Variants in TGS1 observed in about 807,000 individuals in gnomAD.
TGS1 encodes the protein trimethylguanosine synthase 1.
In TGS1, 69 loss-of-function variants were observed where a neutral mutation model predicts 92.2. The ratio of observed to expected loss-of-function variants is 0.75; its 90% confidence interval spans 0.62 to 0.91. The LOEUF (loss-of-function observed/expected upper bound fraction) is 0.91. Ranked by LOEUF, TGS1 falls within the 40% of genes least tolerant of loss-of-function variation. TGS1 has a pLI of 0.00. For missense variants in TGS1, 1,062 were observed against 1,001.2 expected (o/e 1.06, Z -0.82); for synonymous variants, 345 against 338.1 (o/e 1.02, Z -0.22).
At chr8:55,797,799 ATGTCTC>A (rs1262990602) in intron 7 of TGS1, among the ~76,000 whole-genome samples, 1 of 152,096 alleles carries the variant, frequency 6.6e-6, no homozygotes, top group Non-Finnish European at 1.5e-5. Context: ...AGACTCCATG[ATGTCTC>A]TGTCTCTGTT....
At chr8:55,804,757 TG>T (rs1812316166) in intron 9 of TGS1, 135 bp from the exon 10 acceptor site, 1 of 710,116 alleles carries the variant, frequency 1.4e-6, no homozygotes, top group Admixed American at 3.3e-5. Context: ...TCTTTAAAAC[TG>T]GGTGATTTAT....
intron 1 of TGS1, among the ~76,000 whole-genome samples, chr8:55,775,420 A>G (rs554778100): frequency 6.6e-6 from 1 of 152,278 alleles, no homozygotes; most frequent in East Asian, 1.9e-4. Context: ...GGCAGTGTGG[A>G]GGATTGTTTG....
At chr8:55,793,063 G>C (rs1455872488) in intron 6 of TGS1, among the ~76,000 whole-genome samples, 3 of 152,168 alleles carry the variant, frequency 2.0e-5, no homozygotes, top group African/African-American at 7.2e-5. Flanking sequence ...AGGGAATTTA[G>C]GCCCAGCTCT....
intron 5 of TGS1, among the ~76,000 whole-genome samples, chr8:55,791,064 A>G (rs907783446): frequency 6.6e-6 from 1 of 152,210 alleles, no homozygotes; most frequent in Non-Finnish European, 1.5e-5. Context: ...CCTCAAGGTC[A>G]TGCTCTCATT....
intron 8 of TGS1, among the ~76,000 whole-genome samples, chr8:55,799,479 A>G (rs375291389): frequency 2.2e-4 from 34 of 152,304 alleles, no homozygotes; most frequent in African/African-American, 7.9e-4. Context: ...TCTGCAGACC[A>G]CTGTCTGCAG....
rs1811720743 is a variant in TGS1, at chr8:55,786,612, G to A, written c.714G>A (p.Glu238=). 6.2e-7 allele frequency: 1 copy of A among 1,614,152 alleles called. No individual in the cohort carries two copies. The highest frequency in any genetic ancestry group is 8.5e-7 in the Non-Finnish European group (1 of 1,180,012). Residue 238 remains glutamate (E), a synonymous_variant, in exon 4 of 13, where the codon GAG becomes GAA. Transcript: ENST00000260129. The stretch of plus-strand genomic sequence containing the variant: ...TTCCTGATACAAAGGAAGAATGGGA[G>A]CAACATTATAGTCAACTTTATTGGT... ...WNFPDTKEEW[E]QHYSQLYWYY...
intron 1 of TGS1, among the ~76,000 whole-genome samples, chr8:55,778,096 AC>A (rs1811451439): frequency 6.6e-6 from 1 of 151,948 alleles, no homozygotes; most frequent in South Asian, 2.1e-4. Context: ...ACATGGCGAA[AC>A]CCCATCTCTA....
chr8:55,782,556 T>C (rs1774874812), intron 1 of TGS1, among the ~76,000 whole-genome samples, 192 bp from the exon 2 acceptor site: 1 of 152,238 alleles, frequency 6.6e-6, no homozygotes, highest in African/African-American at 2.4e-5. Context: ...TTACATATAC[T>C]ATCAGTCCTT....
At chr8:55,811,767 T>C (rs1803347303) in intron 11 of TGS1, among the ~76,000 whole-genome samples, 1 of 151,730 alleles carries the variant, frequency 6.6e-6, no homozygotes, top group Non-Finnish European at 1.5e-5. Flanking sequence ...TTTCAAAAAA[T>C]AGGGAGAGAG....
intron 1 of TGS1, among the ~76,000 whole-genome samples, chr8:55,779,199 A>G (rs995936086): frequency 2.0e-5 from 3 of 152,214 alleles, no homozygotes; most frequent in African/African-American, 7.2e-5. Flanking sequence ...TAGCAAGTAT[A>G]ATGGAAATTC....
chr8:55,790,182 A>G lies in TGS1; in HGVS notation c.1163A>G (p.Asp388Gly). The G allele has an allele frequency of 6.2e-7, 1 of 1,611,830 alleles. No homozygotes were observed. Among genetic ancestry groups the G allele is most frequent in the Non-Finnish European group, 8.5e-7 (1 of 1,178,298 alleles). The change falls in exon 5 of 13, where the codon GAT (aspartate) becomes GGT (glycine). Residue 388 changes from aspartate to glycine, a missense_variant and splice_region_variant. Transcript: ENST00000260129. The part of the protein sequence containing the change: ...GNTNTDPPAE[D>G]SQKSSGANTS... Reference sequence around the variant, plus strand: ...TACTGCAATATTTCTGCCTCTTTAGATTCACAGAAGTCTTCAGGAGCAAAC... The same window carrying G: ...TACTGCAATATTTCTGCCTCTTTAGGTTCACAGAAGTCTTCAGGAGCAAAC...
intron 11 of TGS1, 35 bp from the exon 12 acceptor site, chr8:55,813,005 G>T (rs748045704): frequency 1.1e-5 from 15 of 1,384,000 alleles, no homozygotes; most frequent in African/African-American, 2.8e-5. Context: ...GAAATTAGCT[G>T]CTGTTTTCAT....
intron 4 of TGS1, among the ~76,000 whole-genome samples, chr8:55,787,677 G>A (rs1254967390): frequency 1.3e-5 from 2 of 152,228 alleles, no homozygotes; most frequent in Non-Finnish European, 2.9e-5. Context: ...GAGTTAATCT[G>A]AGTACGGTGC....
At chr8:55,778,054 T>C (rs1364131692) in intron 1 of TGS1, among the ~76,000 whole-genome samples, 1 of 152,098 alleles carries the variant, frequency 6.6e-6, no homozygotes, top group African/African-American at 2.4e-5. Context: ...GGCAAATCGC[T>C]TGAGCCCAGA....
intron 10 of TGS1, among the ~76,000 whole-genome samples, chr8:55,805,775 A>G (rs62515255): frequency 0.16 from 23,679 of 151,606 alleles, 2,190 homozygotes; most frequent in African/African-American, 0.26. Context: ...TCCCAGCTAC[A>G]GGAGGCTGAG....
intron 4 of TGS1, among the ~76,000 whole-genome samples, chr8:55,787,421 A>G (rs1811751170): frequency 6.6e-6 from 1 of 152,238 alleles, no homozygotes; most frequent in Non-Finnish European, 1.5e-5. Flanking sequence ...ATTTGACATT[A>G]GGCAAATGTC....
chr8:55,811,324 A>G (rs1285741163), intron 11 of TGS1, among the ~76,000 whole-genome samples: 3 of 151,894 alleles, frequency 2.0e-5, no homozygotes, highest in Admixed American at 2.0e-4. Context: ...TTAGCTGGGC[A>G]TGGTGGCACA....
chr8:55,810,518 G>C (rs1159676554), intron 10 of TGS1, among the ~76,000 whole-genome samples: 2 of 152,164 alleles, frequency 1.3e-5, no homozygotes, highest in African/African-American at 2.4e-5. Flanking sequence ...AGCATTACAG[G>C]CTGTCCATAC....
intron 1 of TGS1, among the ~76,000 whole-genome samples, chr8:55,778,797 A>G (rs1811472907): frequency 6.6e-6 from 1 of 152,218 alleles, no homozygotes; most frequent in African/African-American, 2.4e-5. Context: ...GTCCCTTTGC[A>G]AAAGAGGAAT....
Sources: gnomAD v4.1 joint callset for allele counts (sites outside exome capture counted in the v4.1 genomes callset) on GRCh38, gnomAD v4.1.1 for gene constraint, MANE v1.5 for transcripts, NCBI Gene and HGNC (gene_info 2026-07-23, HGNC 2026-07-21) for gene names.